Variants in DRAM1 observed in about 807,000 individuals in gnomAD.
DRAM1 encodes DNA damage regulated autophagy modulator 1, also known as DNA damage-regulated autophagy modulator protein 1.
DRAM1 carries 25 observed loss-of-function variants against 28.5 expected under a neutral mutation model. That is an observed-to-expected ratio of 0.88 (90% CI 0.64 to 1.23). The LOEUF (loss-of-function observed/expected upper bound fraction) is 1.23. DRAM1 is among the 50% of genes most tolerant of loss of function. The pLI is 0.00. For missense variants in DRAM1, 249 were observed against 299.2 expected, an observed-to-expected ratio of 0.83 and a Z score of 1.24; for synonymous variants, 113 against 114.2, an observed-to-expected ratio of 0.99 and a Z score of 0.07.
intron 4 of DRAM1, among the ~76,000 whole-genome samples, chr12:101,911,439 A>G (rs1255798533): frequency 2.0e-5 from 3 of 152,188 alleles, no homozygotes; most frequent in Admixed American, 2.0e-4. Flanking sequence ...GAACTCACCA[A>G]CAGCATAAAG....
At chr12:101,895,954 T>G (rs1032078533) in intron 1 of DRAM1, among the ~76,000 whole-genome samples, 2 of 151,982 alleles carry the variant, frequency 1.3e-5, no homozygotes, top group African/African-American at 4.8e-5. Flanking sequence ...TGGCGCAATC[T>G]TGGCTCACTG....
intron 4 of DRAM1, among the ~76,000 whole-genome samples, chr12:101,908,893 CA>C (rs56843086): frequency 0.14 from 10,079 of 70,998 alleles, 605 homozygotes; most frequent in East Asian, 0.37. Context: ...TCCCCACAAC[CA>C]AAAAAAAAAA....
At chr12:101,897,714 C>A in intron 1 of DRAM1, 149 bp from the exon 2 acceptor site, 1 of 625,586 alleles carries the variant, frequency 1.6e-6, no homozygotes, top group South Asian at 2.0e-5. Context: ...AATGAAAATA[C>A]TTTAGAACAA....
At chr12:101,919,527 A>G (rs549462679) in intron 5 of DRAM1, among the ~76,000 whole-genome samples, 2 of 152,330 alleles carry the variant, frequency 1.3e-5, no homozygotes, top group South Asian at 4.1e-4. Context: ...CTCCAAGAAG[A>G]TATACAGTTA....
chr12:101,890,557 G>T lies in DRAM1; in HGVS notation c.132-7306G>T, dbSNP rs534147455. 4.9e-4 allele frequency among the ~76,000 whole-genome samples: 13 copies of T among 26,330 alleles called. No individual in the cohort carries two copies. The East Asian group carries it at 0.07, about 142-fold the overall frequency. 17.3% of individuals were successfully genotyped at this position (26,330 alleles called of 152,430 possible). ...CTTACGGTCTCCCTGGTCCACAATTGCCTCTCTACAGTCTTTTCAAAACAT... is the reference window on the plus strand; with the variant it reads ...CTTACGGTCTCCCTGGTCCACAATTTCCTCTCTACAGTCTTTTCAAAACAT... On this transcript the variant is annotated intron_variant, in intron 1 of 6. Coordinates refer to ENST00000258534, the MANE Select transcript of DRAM1 (RefSeq NM_018370.3).
At position 101,896,390 on chromosome 12, in the gene DRAM1, A is replaced by T. The variant is rs566816719; in HGVS notation, c.132-1473A>T. ...ACTCAAAATGAGTTCAAGTTGTTTCATGTTGGGAGCTCTTTTGCCATCAGT... is the reference window on the plus strand; with the variant it reads ...ACTCAAAATGAGTTCAAGTTGTTTCTTGTTGGGAGCTCTTTTGCCATCAGT... On this transcript the variant is annotated intron_variant, in intron 1 of 6. Transcript: ENST00000258534. Among the ~76,000 whole-genome samples, 13 of 152,304 alleles carry T rather than the reference A, an allele frequency of 8.5e-5. No homozygotes were observed. The East Asian group carries it at 2.5e-3, about 29-fold the overall frequency.
chr12:101,921,041 A>G (rs142615581), intron 6 of DRAM1, among the ~76,000 whole-genome samples, 175 bp from the exon 7 acceptor site: 1 of 152,340 alleles, frequency 6.6e-6, no homozygotes, highest in East Asian at 1.9e-4. Context: ...AAACAAGTGA[A>G]TTATTAGCTC....
At chr12:101,883,593 C>A (rs1439405299) in intron 1 of DRAM1, among the ~76,000 whole-genome samples, 2 of 149,030 alleles carry the variant, frequency 1.3e-5, no homozygotes, top group Non-Finnish European at 1.5e-5. Context: ...GGATTACAGG[C>A]GTGAGCCACT....
chr12:101,912,948 G>A (rs980227154), intron 4 of DRAM1, among the ~76,000 whole-genome samples: 2 of 151,918 alleles, frequency 1.3e-5, no homozygotes, highest in African/African-American at 4.8e-5. Context: ...GACTAGTCTC[G>A]AACTCCTGAC....
chr12:101,907,064 G>A (rs1043947889), intron 3 of DRAM1, among the ~76,000 whole-genome samples: 1 of 151,508 alleles, frequency 6.6e-6, no homozygotes, highest in African/African-American at 2.4e-5. Flanking sequence ...CCAGAACTGG[G>A]TGTGGTGGCA....
intron 1 of DRAM1, among the ~76,000 whole-genome samples, chr12:101,883,308 A>AGATG: frequency 7.0e-6 from 1 of 142,238 alleles, no homozygotes; most frequent in African/African-American, 2.6e-5. Flanking sequence ...TTTTTTACCC[A>AGATG]AATAGGTTTT....
chr12:101,912,316 A>C lies in DRAM1; in HGVS notation c.521-1858A>C, dbSNP rs201203291. 1.5e-4 allele frequency among the ~76,000 whole-genome samples: 23 copies of C among 152,344 alleles called. No homozygotes were observed. The East Asian group carries it at 4.0e-3, about 27-fold the overall frequency. ...AACTTCACAACTTACATTAAGTTTCACTGAATGAAGCTTTCTCCCATTCCA... is the reference window on the plus strand; with the variant it reads ...AACTTCACAACTTACATTAAGTTTCCCTGAATGAAGCTTTCTCCCATTCCA... On this transcript the variant is annotated intron_variant, in intron 4 of 6. Coordinates refer to ENST00000258534, the MANE Select transcript of DRAM1 (RefSeq NM_018370.3).
chr12:101,884,610 G>T (rs148004886), intron 1 of DRAM1, among the ~76,000 whole-genome samples: 189 of 152,144 alleles, frequency 1.2e-3, no homozygotes, highest in African/African-American at 4.4e-3. Context: ...TTATTAGCAC[G>T]TCTCACTTTC....
At chr12:101,914,079 C>T in intron 4 of DRAM1, 95 bp from the exon 5 acceptor site, 1 of 705,882 alleles carries the variant, frequency 1.4e-6, no homozygotes, top group Non-Finnish European at 2.2e-6. Context: ...CATTTTAACA[C>T]CTTATAATGA....
chr12:101,911,713 T>A (rs1874045799), intron 4 of DRAM1, among the ~76,000 whole-genome samples: 1 of 151,746 alleles, frequency 6.6e-6, no homozygotes, highest in Non-Finnish European at 1.5e-5. Flanking sequence ...TTTCAAGGAT[T>A]TGATAAGAAA....
chr12:101,897,951 A>G (rs764681725), intron 2 of DRAM1, 21 bp downstream of exon 2: 2 of 1,388,518 alleles, frequency 1.4e-6, no homozygotes, highest in Non-Finnish European at 2.0e-6. Context: ...AATAATTATT[A>G]TAAATAATTG....
intron 1 of DRAM1, among the ~76,000 whole-genome samples, chr12:101,895,126 T>C (rs1186532867): frequency 6.6e-6 from 1 of 150,940 alleles, no homozygotes; most frequent in Non-Finnish European, 1.5e-5. Context: ...TCAACATTCC[T>C]GTAGTGTGAA....
intron 1 of DRAM1, among the ~76,000 whole-genome samples, chr12:101,880,716 G>C (rs1872661404): frequency 6.6e-6 from 1 of 152,174 alleles, no homozygotes; most frequent in South Asian, 2.1e-4. Flanking sequence ...AGAGGTGTCT[G>C]ATGTAGTTGT....
intron 3 of DRAM1, among the ~76,000 whole-genome samples, chr12:101,904,244 G>A (rs1440666425): frequency 1.3e-5 from 2 of 151,624 alleles, no homozygotes; most frequent in East Asian, 1.9e-4. Flanking sequence ...CTCCCACCTC[G>A]GCCTCCTGAA....
Sources: allele counts gnomAD v4.1 joint callset (sites outside exome capture counted in the v4.1 genomes callset), GRCh38; gene constraint gnomAD v4.1.1; transcripts MANE v1.5; gene names NCBI Gene and HGNC (gene_info 2026-07-23, HGNC 2026-07-21).